Variants in EIF3E observed in about 807,000 individuals in gnomAD.
The protein encoded by EIF3E is eIF-3 p48.
Under a neutral mutation model 59.3 loss-of-function variants are expected in EIF3E, and 25 were observed. The observed-to-expected ratio is 0.42, with a 90% confidence interval of 0.31 to 0.59. The LOEUF is 0.59. Among genes scored for constraint, EIF3E ranks in the 20% least tolerant of loss-of-function variants. The probability of loss-of-function intolerance (pLI) is 0.15; values close to 1 mark genes in which losing one functional copy is unlikely to be tolerated. For missense variants in EIF3E, 317 were observed against 534.3 expected, an observed-to-expected ratio of 0.59 and a Z score of 4.01; for synonymous variants, 176 against 170.2, an observed-to-expected ratio of 1.03 and a Z score of -0.26.
chr8:108,247,848 T>A (rs948856619), intron 1 of EIF3E, among the ~76,000 whole-genome samples: 6 of 152,218 alleles, frequency 3.9e-5, no homozygotes, highest in Admixed American at 2.0e-4. Context: ...AGCCAAAACT[T>A]TCAAGTCCAA....
chr8:108,211,468 G>A (rs1464198889), intron 10 of EIF3E, among the ~76,000 whole-genome samples: 3 of 151,766 alleles, frequency 2.0e-5, no homozygotes, highest in African/African-American at 4.8e-5. Context: ...AATTTGTTTA[G>A]GTACTTTGTA....
intron 7 of EIF3E, among the ~76,000 whole-genome samples, chr8:108,223,931 AG>A (rs1815471053): frequency 6.6e-6 from 1 of 151,388 alleles, no homozygotes; most frequent in African/African-American, 2.5e-5. Context: ...AAAAATAAAA[AG>A]TATGGCCAGG....
chr8:108,210,228 A>G (rs570866761), intron 10 of EIF3E, among the ~76,000 whole-genome samples: 50 of 152,228 alleles, frequency 3.3e-4, no homozygotes, highest in Non-Finnish European at 5.7e-4. Flanking sequence ...TGTCAGTACT[A>G]TAAAGTCACT....
At chr8:108,215,619 A>G (rs1815288325) in intron 9 of EIF3E, among the ~76,000 whole-genome samples, 1 of 152,102 alleles carries the variant, frequency 6.6e-6, no homozygotes, top group South Asian at 2.1e-4. Flanking sequence ...CTCTGTCTGA[A>G]AAAAAATAAA....
At chr8:108,236,997 G>A (rs566978925) in intron 3 of EIF3E, among the ~76,000 whole-genome samples, 1 of 152,080 alleles carries the variant, frequency 6.6e-6, no homozygotes, top group Admixed American at 6.5e-5. Flanking sequence ...ACTCCAGCCT[G>A]GGCGACAGAG....
intron 3 of EIF3E, among the ~76,000 whole-genome samples, chr8:108,237,119 T>C (rs1815748419): frequency 6.6e-6 from 1 of 152,240 alleles, no homozygotes; most frequent in Non-Finnish European, 1.5e-5. Context: ...CCAAGTGCCA[T>C]ATTTAATTTT....
chr8:108,222,864 G>T (rs1815445939), intron 7 of EIF3E, among the ~76,000 whole-genome samples: 1 of 140,622 alleles, frequency 7.1e-6, no homozygotes, highest in African/African-American at 2.7e-5. Context: ...AACAGACTCA[G>T]TATTTGTGCT....
chr8:108,217,470 A>G lies in EIF3E; in HGVS notation c.723-10T>C, dbSNP rs1815325776. The G allele has an allele frequency of 6.3e-7, 1 of 1,581,302 alleles. No individual in the cohort carries two copies. Among genetic ancestry groups the G allele is most frequent in the South Asian group, 1.2e-5 (1 of 86,056 alleles). On this transcript the variant is annotated splice_polypyrimidine_tract_variant and intron_variant, in intron 7 of 12. Coordinates refer to ENST00000220849, the MANE Select transcript of EIF3E (RefSeq NM_001568.3). ...AATTGCATTAAGATATCTAAGAAAAAATATAAAAGTTATTTAATAACTTAC... is the reference window on the plus strand; with the variant it reads ...AATTGCATTAAGATATCTAAGAAAAGATATAAAAGTTATTTAATAACTTAC...
intron 10 of EIF3E, among the ~76,000 whole-genome samples, chr8:108,209,603 GC>G (rs1815169635): frequency 6.6e-6 from 1 of 152,034 alleles, no homozygotes; most frequent in Non-Finnish European, 1.5e-5. Flanking sequence ...CCCGTGTTTG[GC>G]CAAAAGAGGC....
intron 10 of EIF3E, among the ~76,000 whole-genome samples, chr8:108,204,764 GAGAGAGAGAGAGAGAGAC>G (rs1232741654): frequency 0.016 from 2,043 of 129,768 alleles, 42 homozygotes; most frequent in African/African-American, 0.063. Flanking sequence ...GAGAGAGAGA[GAGAGAGAGAGAGAGAGAC>G]AGAGAGAGAG....
rs375572478 is a variant in EIF3E at position 108,228,967 on chromosome 8, ATT to A, written c.597+101_597+102del. 5.8e-5 allele frequency: 61 copies of A among 1,060,186 alleles called. No individual in the cohort carries two copies. The East Asian group carries it at 1.4e-3, about 25-fold the overall frequency. The allele number at this position is 1,060,186 out of a possible 1,614,324, so 65.7% of individuals were successfully genotyped here. A position where few individuals can be genotyped will look rare whatever the true frequency, so the allele number is the denominator to read the frequency against. ...GTAAGGTCAACAAAAGCTAATATGA[ATT>A]TTTTTTTTTAATTCCCAAAATGCAT... On this transcript the variant is annotated intron_variant, in intron 6 of 12. Coordinates refer to ENST00000220849, the MANE Select transcript of EIF3E (RefSeq NM_001568.3).
At chr8:108,206,740 C>T (rs1815110187) in intron 10 of EIF3E, among the ~76,000 whole-genome samples, 2 of 152,122 alleles carry the variant, frequency 1.3e-5, no homozygotes, top group African/African-American at 4.8e-5. Flanking sequence ...CAGTTTCAGA[C>T]TGCAGTAAGC....
chr8:108,239,677 A>G (rs1318218944), intron 3 of EIF3E, among the ~76,000 whole-genome samples: 1 of 152,172 alleles, frequency 6.6e-6, no homozygotes, highest in African/African-American at 2.4e-5. Flanking sequence ...ACATTGCCAA[A>G]TGTCCCCAGG....
intron 10 of EIF3E, among the ~76,000 whole-genome samples, chr8:108,211,672 T>G (rs542098584): frequency 6.6e-6 from 1 of 152,218 alleles, no homozygotes; most frequent in African/African-American, 2.4e-5. Context: ...TTTCACTCCA[T>G]TACTTTAGCA....
intron 6 of EIF3E, 113 bp from the exon 7 acceptor site, chr8:108,228,504 T>C (rs1000797001): frequency 5.1e-6 from 4 of 787,732 alleles, no homozygotes; most frequent in Non-Finnish European, 5.3e-6. Context: ...TTCTAAGGCA[T>C]GCACGGAGGT....
chr8:108,216,828 T>C (rs943794136), intron 8 of EIF3E, among the ~76,000 whole-genome samples: 2 of 152,212 alleles, frequency 1.3e-5, no homozygotes, highest in Admixed American at 6.5e-5. Flanking sequence ...ATTCATTCCC[T>C]ACTGAATGAC....
chr8:108,236,104 G>C, intron 4 of EIF3E, 57 bp downstream of exon 4: 2 of 1,470,846 alleles, frequency 1.4e-6, no homozygotes, highest in Non-Finnish European at 9.4e-7. Context: ...GTACAAACCA[G>C]TCTTTAGTCA....
chr8:108,215,178 C>A (rs569223175), intron 9 of EIF3E, among the ~76,000 whole-genome samples: 2 of 151,108 alleles, frequency 1.3e-5, no homozygotes, highest in Non-Finnish European at 2.9e-5. Flanking sequence ...CAACCAAGTA[C>A]CCTCTAGGTC....
rs747540507 is a variant in EIF3E at position 108,229,164 on chromosome 8, G to C, written c.503C>G (p.Ser168Ter). 6.2e-7 allele frequency: 1 copy of C among 1,613,388 alleles called. No homozygotes were observed. The highest frequency in any genetic ancestry group is 1.3e-5 in the African/African-American group (1 of 74,968). Residue 168 changes from serine to a stop codon, truncating the protein, a stop_gained, in exon 6 of 13, where the codon TCA becomes TGA. Coordinates refer to ENST00000220849, the MANE Select transcript of EIF3E (RefSeq NM_001568.3). LOFTEE classifies it high-confidence loss of function. ...TTCAGAGGCCAGCTTTCCCCAGAGT[G>C]AACTTAAAGCATTTCTATCTGTTGC... is the stretch of plus-strand genomic sequence containing the variant. Reference protein sequence around the residue: ...VPATDRNALSSLWGKLASEIL... With the variant: ...VPATDRNALS
Sources: allele counts gnomAD v4.1 joint callset (sites outside exome capture counted in the v4.1 genomes callset), GRCh38; gene constraint gnomAD v4.1.1; transcripts MANE v1.5; gene names NCBI Gene and HGNC (gene_info 2026-07-23, HGNC 2026-07-21).